The following MYH13 variants were observed in gnomAD, a reference collection of about 807,000 sequenced individuals.
The protein encoded by MYH13 is myosin-13.
In MYH13, 177 loss-of-function variants were observed where a neutral mutation model predicts 232.1. The ratio of observed to expected loss-of-function variants is 0.76; its 90% CI spans 0.67 to 0.86. The LOEUF (loss-of-function observed/expected upper bound fraction) is 0.86, where lower values mean the gene tolerates loss of function less well. MYH13 is among the 40% of genes least tolerant of loss of function. The pLI, the probability that MYH13 is intolerant of heterozygous loss-of-function variation, is 0.00. For synonymous variants in MYH13, 884 were observed against 923.5 expected, an observed-to-expected ratio of 0.96 and a Z score of 0.78; for missense variants, 2,246 against 2,405.9, an observed-to-expected ratio of 0.93 and a Z score of 1.39.
Position 10,362,231 on chromosome 17 carries a change from C to A in MYH13, c.392G>T (p.Trp131Leu). The change falls in exon 5 of 41, where the codon TGG (tryptophan) becomes TTG (leucine). Residue 131 changes from tryptophan to leucine, a missense_variant. Coordinates refer to ENST00000252172, the MANE Select transcript of MYH13 (RefSeq NM_003802.3). ...LFCVTVNPYK[W>L]LPVYKPEVVA... ...CACCTCGGGCTTGTACACCGGCAGC[C>A]ACTTGTAGGGGTTGACGGTGACACA... 1 of 1,613,832 alleles carries A rather than the reference C, an allele frequency of 6.2e-7. No individual in the cohort carries two copies. The highest frequency in any genetic ancestry group is 8.5e-7 in the Non-Finnish European group (1 of 1,179,748).
In MYH13 at chr17:10,320,412, A is replaced by G. The variant is rs749631461; in HGVS notation, c.3196T>C (p.Ser1066Pro). ...KRKLEGDLKM[S>P]QESIMDLEND... ...TCTAGATCCATAATGGATTCCTGGG[A>G]CATTTTCAGATCTCCTTCCAGCTTC... Residue 1066 changes from serine (S) to proline (P), a missense_variant, in exon 25 of 41, where the codon TCC becomes CCC. Physicochemically the swap from Ser to Pro is moderately conservative, Grantham distance 74 (BLOSUM62 -1). Coordinates refer to ENST00000252172, the MANE Select transcript of MYH13 (RefSeq NM_003802.3). 1.2e-6 allele frequency: 2 copies of G among 1,613,348 alleles called. No homozygotes were observed. Among genetic ancestry groups the G allele is most frequent in the South Asian group, 2.2e-5 (2 of 90,840 alleles).
intron 2 of MYH13, among the ~76,000 whole-genome samples, chr17:10,366,689 G>A (rs539205667): frequency 2.6e-5 from 4 of 152,106 alleles, no homozygotes; most frequent in Middle Eastern, 3.4e-3. Context: ...CCTGAAATAC[G>A]TCATATTTTT....
In MYH13 at chr17:10,343,808, G is replaced by A. The variant is rs1388879579; in HGVS notation, c.1886C>T (p.Ala629Val). ...AAATGATAGAATTTTACCTGTCTCT[G>A]CACCAGCATAGTTGGAAAAAAGGAA... ...LSFLFSNYAG[A>V]ETGDSGGSKK... The change falls in exon 16 of 41, where the codon GCA becomes GTA. Residue 629 changes from alanine (A) to valine (V), a missense_variant. Physicochemically the swap from Ala to Val is moderately conservative, Grantham distance 64. Transcript: ENST00000252172. 6.3e-7 allele frequency: 1 copy of A among 1,598,938 alleles called. No homozygotes were observed. Among genetic ancestry groups the A allele is most frequent in the African/African-American group, 1.3e-5 (1 of 74,372 alleles).
At chr17:10,308,646 G>GT (rs1906377769) in intron 35 of MYH13, among the ~76,000 whole-genome samples, 2 of 151,706 alleles carry the variant, frequency 1.3e-5, no homozygotes. Context: ...GTATTTACTT[G>GT]TTTTTTCTAT....
At chr17:10,365,556 T>A (rs944289295) in intron 2 of MYH13, among the ~76,000 whole-genome samples, 1 of 152,212 alleles carries the variant, frequency 6.6e-6, no homozygotes, top group African/African-American at 2.4e-5. Context: ...GGGACCACAC[T>A]GAGGATGGCT....
rs962256406 is a variant in MYH13, at chr17:10,311,038, G to A, written c.4656+65C>T. 8.8e-6 allele frequency: 14 copies of A among 1,596,204 alleles called. No individual in the cohort carries two copies. The Admixed American group carries it at 2.4e-4, about 27-fold the overall frequency. On this transcript the variant is annotated intron_variant, in intron 33 of 40. Coordinates refer to ENST00000252172, the MANE Select transcript of MYH13 (RefSeq NM_003802.3). Reference sequence around the variant, plus strand: ...GGCAGGAAAGGCCCCATGGGGTGGTGAAGGGCAGCCTCTTTCAGTTCCCTG... The same window carrying A: ...GGCAGGAAAGGCCCCATGGGGTGGTAAAGGGCAGCCTCTTTCAGTTCCCTG...
chr17:10,301,465 C>T, intron 40 of MYH13, 104 bp downstream of exon 40: 1 of 1,535,202 alleles, frequency 6.5e-7, no homozygotes, highest in Non-Finnish European at 8.9e-7. Flanking sequence ...TCTCAGGTAC[C>T]TGCCCTTATC....
At chr17:10,305,486 A>G (rs996651269) in intron 37 of MYH13, among the ~76,000 whole-genome samples, 1 of 152,164 alleles carries the variant, frequency 6.6e-6, no homozygotes, top group Non-Finnish European at 1.5e-5. Flanking sequence ...TAATGGGACC[A>G]TGTGCCTGGG....
intron 22 of MYH13, 51 bp from the exon 23 acceptor site, chr17:10,324,315 A>G (rs1190769493): frequency 1.2e-6 from 2 of 1,604,218 alleles, no homozygotes; most frequent in East Asian, 2.2e-5. Context: ...TGAAAATGCT[A>G]CAAAGAAAGG....
At chr17:10,320,592 G>T in intron 24 of MYH13, 96 bp from the exon 25 acceptor site, 1 of 1,390,228 alleles carries the variant, frequency 7.2e-7, no homozygotes. Context: ...GGGCTTCCTG[G>T]GGCTCCTGTA....
Position 10,311,903 on chromosome 17 carries a change from CA to C in MYH13, c.4531+7del, listed in dbSNP as rs771586034. 9.9e-6 allele frequency: 16 copies of C among 1,613,676 alleles called. No individual in the cohort carries two copies. The South Asian group carries it at 1.8e-4, about 18-fold the overall frequency. On this transcript the variant is annotated splice_region_variant and intron_variant, in intron 32 of 40. Transcript: ENST00000252172. ...ACATAGCACACACCAGTGGTGGAGA[CA>C]GCTCACCTTGCAGATTTTTGTTCTC... is the stretch of plus-strand genomic sequence containing the variant.
Position 10,362,248 on chromosome 17 carries a change from G to A in MYH13, c.375C>T (p.Thr125=), listed in dbSNP as rs199842534. The A allele has an allele frequency of 3.2e-5, 52 of 1,613,696 alleles. 1 individual carries two copies. The highest frequency in any genetic ancestry group is 1.1e-4 in the African/African-American group (8 of 75,012). The change falls in exon 5 of 41, where the codon ACC becomes ACT. Residue 125 remains threonine, a synonymous_variant. Transcript: ENST00000252172. ...IYTYSGLFCV[T]VNPYKWLPVY... ...CCGGCAGCCACTTGTAGGGGTTGACGGTGACACAGAAGAGGCCTGAGTAGG... is the reference window on the plus strand; with the variant it reads ...CCGGCAGCCACTTGTAGGGGTTGACAGTGACACAGAAGAGGCCTGAGTAGG...
intron 23 of MYH13, 103 bp downstream of exon 23, chr17:10,323,919 C>A: frequency 6.9e-7 from 1 of 1,455,384 alleles, no homozygotes; most frequent in Non-Finnish European, 9.2e-7. Flanking sequence ...CATTTCTGGG[C>A]AATGTTATAT....
chr17:10,356,882 T>C (rs2071753237), intron 8 of MYH13, among the ~76,000 whole-genome samples: 1 of 152,214 alleles, frequency 6.6e-6, no homozygotes, highest in African/African-American at 2.4e-5. Flanking sequence ...GTAAATGTCT[T>C]TTTGATTAAG....
At position 10,311,904 on chromosome 17, in the gene MYH13, A is replaced by G. The variant is rs773614266; in HGVS notation, c.4531+7T>C. 3 of 1,613,874 alleles carry G rather than the reference A, an allele frequency of 1.9e-6. No individual in the cohort carries two copies. The highest frequency in any genetic ancestry group is 4.5e-5 in the East Asian group (2 of 44,880). ...CATAGCACACACCAGTGGTGGAGACAGCTCACCTTGCAGATTTTTGTTCTC... is the reference window on the plus strand; with the variant it reads ...CATAGCACACACCAGTGGTGGAGACGGCTCACCTTGCAGATTTTTGTTCTC... On this transcript the variant is annotated splice_region_variant and intron_variant, in intron 32 of 40. Transcript: ENST00000252172.
Position 10,364,289 on chromosome 17 carries a change from T to C in MYH13, c.204+38A>G, listed in dbSNP as rs763340040. 10 of 1,574,720 alleles carry C rather than the reference T, an allele frequency of 6.4e-6. 1 individual carries two copies. The highest frequency in any genetic ancestry group is 3.4e-5 in the South Asian group (3 of 88,662). On this transcript the variant is annotated intron_variant, in intron 3 of 40. Transcript: ENST00000252172. ...ATTCTACTCCAAAGAAAAATGAGCA[T>C]GCCCATATTATCAAAGACATCTGTA...
intron 29 of MYH13, among the ~76,000 whole-genome samples, chr17:10,314,594 C>T (rs1335017604): frequency 6.6e-6 from 1 of 152,090 alleles, no homozygotes; most frequent in East Asian, 1.9e-4. Context: ...TACCATACAA[C>T]AGAAAGATGG....
intron 5 of MYH13, among the ~76,000 whole-genome samples, chr17:10,360,791 C>T (rs1396127218): frequency 1.3e-5 from 2 of 152,124 alleles, no homozygotes. Flanking sequence ...TAGGGCAAGC[C>T]CCTGATCTAA....
intron 13 of MYH13, among the ~76,000 whole-genome samples, chr17:10,346,024 AAAG>A (rs144029526): frequency 0.19 from 27,025 of 145,592 alleles, 2,901 homozygotes; most frequent in East Asian, 0.51. Flanking sequence ...CAAAAGAAAA[AAAG>A]AAAATCAAAA....
Sources: allele counts gnomAD v4.1 joint callset (sites outside exome capture counted in the v4.1 genomes callset), GRCh38; gene constraint gnomAD v4.1.1; transcripts MANE v1.5; gene names NCBI Gene and HGNC (gene_info 2026-07-23, HGNC 2026-07-21).